NTRK3: variants seen among roughly 807,000 people sequenced by gnomAD.
The protein encoded by NTRK3 is neurotrophic receptor tyrosine kinase 3, also known as NT-3 growth factor receptor.
A neutral mutation model predicts 91.7 loss-of-function variants in NTRK3; 24 were observed. That is an observed-to-expected ratio of 0.26 (90% CI 0.19 to 0.37). The LOEUF is 0.37. Ranked by LOEUF, NTRK3 falls within the 10% of genes least tolerant of loss-of-function variation. The probability of loss-of-function intolerance (pLI) is 1.00; values close to 1 mark genes in which losing one functional copy is unlikely to be tolerated. For missense variants in NTRK3, 880 were observed against 1,068.9 expected, an observed-to-expected ratio of 0.82 and a Z score of 2.46; for synonymous variants, 483 against 404.0, an observed-to-expected ratio of 1.20 and a Z score of -2.34.
At chr15:88,247,317 G>C (rs1182189735) in intron 3 of NTRK3, among the ~76,000 whole-genome samples, 1 of 152,220 alleles carries the variant, frequency 6.6e-6, no homozygotes, top group Non-Finnish European at 1.5e-5. Flanking sequence ...ACCAGCTAGC[G>C]AGGCAGGGCC....
At chr15:88,142,674 TAAC>T (rs2042503203) in intron 6 of NTRK3, among the ~76,000 whole-genome samples, 1 of 152,184 alleles carries the variant, frequency 6.6e-6, no homozygotes, top group Non-Finnish European at 1.5e-5. Context: ...CTCCTTGAGA[TAAC>T]AACAGTCAGA....
At chr15:88,174,404 C>T (rs1414455877) in intron 5 of NTRK3, among the ~76,000 whole-genome samples, 1 of 152,196 alleles carries the variant, frequency 6.6e-6, no homozygotes, top group Middle Eastern at 3.2e-3. Context: ...CCACCAGCCC[C>T]TCCCATATAC....
At chr15:87,866,071 G>C in exon 19 of NTRK3, 1 of 229,938 alleles carries the variant, frequency 4.3e-6, no homozygotes, top group Non-Finnish European at 8.6e-6. Flanking sequence ...TAACAGTTAT[G>C]ATCTCATTTA....
intron 5 of NTRK3, among the ~76,000 whole-genome samples, chr15:88,174,653 G>T (rs2045828608): frequency 6.6e-6 from 1 of 152,226 alleles, no homozygotes; most frequent in African/African-American, 2.4e-5. Context: ...AAGTCCAGGG[G>T]GAAACAGCTG....
At chr15:88,035,968 A>T (rs1489810997) in intron 13 of NTRK3, among the ~76,000 whole-genome samples, 1 of 152,172 alleles carries the variant, frequency 6.6e-6, no homozygotes, top group African/African-American at 2.4e-5. Context: ...CAAAGAGGAA[A>T]GAGGTGGTAA....
intron 17 of NTRK3, among the ~76,000 whole-genome samples, chr15:87,889,075 T>C (rs2065710794): frequency 6.6e-6 from 1 of 152,114 alleles, no homozygotes; most frequent in African/African-American, 2.4e-5. Context: ...GTGGGGTGAA[T>C]GTGGCAGAGA....
At chr15:88,067,932 A>C (rs2046793270) in intron 13 of NTRK3, among the ~76,000 whole-genome samples, 1 of 152,134 alleles carries the variant, frequency 6.6e-6, no homozygotes, top group African/African-American at 2.4e-5. Flanking sequence ...TATTATCCTC[A>C]TTATGTTGTT....
At chr15:88,054,315 C>A (rs913104575) in intron 13 of NTRK3, among the ~76,000 whole-genome samples, 3 of 152,174 alleles carry the variant, frequency 2.0e-5, no homozygotes, top group African/African-American at 7.2e-5. Flanking sequence ...CAGTTCACAG[C>A]CACTTCCTCT....
chr15:87,925,777 C>T (rs188010487), intron 17 of NTRK3: 1 of 176,488 alleles, frequency 5.7e-6, no homozygotes, highest in East Asian at 9.6e-5. Context: ...CTGAGGTGGT[C>T]AATGTAAAGA....
chr15:88,147,183 C>T (rs1172430004), intron 6 of NTRK3, 152 bp downstream of exon 6: 4 of 709,010 alleles, frequency 5.6e-6, no homozygotes, highest in African/African-American at 3.5e-5. Flanking sequence ...ATTGCTCTCA[C>T]TGAACATGGT....
At chr15:87,950,005 C>G (rs1009580159) in intron 14 of NTRK3, among the ~76,000 whole-genome samples, 1 of 152,188 alleles carries the variant, frequency 6.6e-6, no homozygotes, top group Non-Finnish European at 1.5e-5. Context: ...TCACATCCCA[C>G]CTCTCAATCT....
At position 88,109,810 on chromosome 15, in the gene NTRK3, A is replaced by G. The variant is rs374357055; in HGVS notation, c.1396+16461T>C. Among the ~76,000 whole-genome samples the G allele has an allele frequency of 3.6e-3, 545 of 152,246 alleles. 1 individual carries two copies. Among genetic ancestry groups the G allele is most frequent in the African/African-American group, 0.013 (520 of 41,548 alleles). On this transcript the variant is annotated intron_variant, in intron 13 of 18. Coordinates refer to ENST00000394480, the Ensembl canonical transcript of NTRK3. ...TTTTTAAAGATCCCCATGCGATTCT[A>G]CCATAAAACCAAGTGTATGAACCAC...
chr15:87,896,412 A>C (rs956607067), intron 17 of NTRK3, among the ~76,000 whole-genome samples: 3 of 151,592 alleles, frequency 2.0e-5, no homozygotes, highest in African/African-American at 7.3e-5. Context: ...CAGAGGTTGC[A>C]GTGAGCCAAG....
At chr15:88,023,878 T>G (rs1001862495) in intron 14 of NTRK3, among the ~76,000 whole-genome samples, 2 of 152,226 alleles carry the variant, frequency 1.3e-5, no homozygotes, top group Non-Finnish European at 2.9e-5. Flanking sequence ...CTGTTGCCTC[T>G]GTTACTGGTT....
chr15:88,027,590 G>C (rs1451976205), intron 14 of NTRK3, among the ~76,000 whole-genome samples: 1 of 152,132 alleles, frequency 6.6e-6, no homozygotes, highest in Non-Finnish European at 1.5e-5. Flanking sequence ...CACCGTGTTA[G>C]CCAGGATGGT....
chr15:88,181,581 C>T (rs146043479), intron 5 of NTRK3, among the ~76,000 whole-genome samples: 84 of 152,328 alleles, frequency 5.5e-4, no homozygotes, highest in Non-Finnish European at 8.7e-4. Context: ...GGGTTTGTCT[C>T]GCATCAACAG....
chr15:88,123,085 T>A (rs1305159104), intron 13 of NTRK3, among the ~76,000 whole-genome samples: 1 of 152,174 alleles, frequency 6.6e-6, no homozygotes, highest in Admixed American at 6.5e-5. Flanking sequence ...GCGTCTTGGA[T>A]GGGCAGCCCT....
chr15:88,228,421 C>G (rs2050870597), intron 3 of NTRK3, among the ~76,000 whole-genome samples: 1 of 152,164 alleles, frequency 6.6e-6, no homozygotes, highest in South Asian at 2.1e-4. Flanking sequence ...GAGTCTCATC[C>G]TATCAGTCCC....
intron 13 of NTRK3, among the ~76,000 whole-genome samples, chr15:88,057,998 G>A (rs535659412): frequency 8.5e-5 from 13 of 152,336 alleles, no homozygotes; most frequent in South Asian, 2.1e-4. Context: ...ACGGAGAGCC[G>A]AGCAGATGCT....
Sources: allele counts gnomAD v4.1 joint callset (sites outside exome capture counted in the v4.1 genomes callset), GRCh38; gene constraint gnomAD v4.1.1; transcripts MANE v1.5; gene names NCBI Gene and HGNC (gene_info 2026-07-23, HGNC 2026-07-21).